The following LRRFIP1 variants were observed in gnomAD, a reference collection of about 807,000 sequenced individuals.
LRRFIP1 encodes the protein leucine-rich repeat flightless-interacting protein 1.
LRRFIP1 carries 62 observed loss-of-function variants against 104.4 expected under a neutral mutation model. The ratio of observed to expected loss-of-function variants is 0.59; its 90% confidence interval spans 0.48 to 0.73. The LOEUF is 0.73. LRRFIP1 is among the 30% of genes least tolerant of loss of function. The pLI is 0.00. For missense variants in LRRFIP1, 796 were observed against 824.5 expected (o/e 0.97, Z 0.42); for synonymous variants, 300 against 299.0 (o/e 1.00, Z -0.03).
intron 2 of LRRFIP1, 29 bp from the exon 3 acceptor site, chr2:237,714,229 AT>A: frequency 6.5e-7 from 1 of 1,542,996 alleles, no homozygotes; most frequent in East Asian, 2.3e-5. Context: ...TGGATTTTAC[AT>A]TTCTTTTTTC....
At chr2:237,662,966 G>A (rs542550247) in intron 1 of LRRFIP1, among the ~76,000 whole-genome samples, 2 of 152,306 alleles carry the variant, frequency 1.3e-5, no homozygotes, top group Non-Finnish European at 2.9e-5. Context: ...TAATCTGCAT[G>A]CAATTACAAG....
intron 1 of LRRFIP1, among the ~76,000 whole-genome samples, chr2:237,672,992 T>A (rs116767695): frequency 2.1e-3 from 320 of 152,344 alleles, no homozygotes; most frequent in African/African-American, 7.3e-3. Flanking sequence ...ATGACCGTGC[T>A]CCGTCGTTTT....
At chr2:237,715,726 A>G (rs1224326511) in intron 3 of LRRFIP1, among the ~76,000 whole-genome samples, 3 of 152,218 alleles carry the variant, frequency 2.0e-5, no homozygotes, top group African/African-American at 7.2e-5. Context: ...GTTTCTCTGG[A>G]ATCAAAGCTA....
At chr2:237,681,087 CAG>C (rs535901937) in intron 1 of LRRFIP1, among the ~76,000 whole-genome samples, 58 of 152,264 alleles carry the variant, frequency 3.8e-4, no homozygotes, top group East Asian at 1.9e-3. Context: ...AAAAACATAA[CAG>C]GGGTAGTTTT....
chr2:237,757,607 T>G, intron 17 of LRRFIP1, 59 bp downstream of exon 17: 1 of 1,326,028 alleles, frequency 7.5e-7, no homozygotes, highest in Non-Finnish European at 1.1e-6. Flanking sequence ...GCAAATAGAG[T>G]TTTTTCAGAG....
chr2:237,700,944 A>G (rs2093487548), intron 1 of LRRFIP1, among the ~76,000 whole-genome samples: 1 of 152,132 alleles, frequency 6.6e-6, no homozygotes, highest in African/African-American at 2.4e-5. Context: ...AACCCCTTCC[A>G]GCTTCTGTGT....
chr2:237,764,118 A>G (rs754206497), intron 19 of LRRFIP1: 1 of 1,614,206 alleles, frequency 6.2e-7, no homozygotes, highest in Non-Finnish European at 8.5e-7. Context: ...GGCAAAAGCA[A>G]AGAAGACTGT....
intron 1 of LRRFIP1, among the ~76,000 whole-genome samples, chr2:237,682,933 C>T (rs1350817954): frequency 6.6e-6 from 1 of 152,214 alleles, no homozygotes; most frequent in Non-Finnish European, 1.5e-5. Flanking sequence ...GTGTGGGCAC[C>T]TCGGATGCAG....
intron 1 of LRRFIP1, among the ~76,000 whole-genome samples, chr2:237,662,172 T>A (rs948778438): frequency 1.3e-5 from 2 of 152,046 alleles, no homozygotes; most frequent in African/African-American, 4.8e-5. Context: ...TGTAGACACA[T>A]CACACCAGGC....
chr2:237,732,593 C>A (rs772605150), intron 8 of LRRFIP1, among the ~76,000 whole-genome samples: 4 of 152,204 alleles, frequency 2.6e-5, no homozygotes, highest in African/African-American at 7.2e-5. Context: ...TTTAGAAAAA[C>A]CATGTCAAAT....
At position 237,764,436 on chromosome 2, in the gene LRRFIP1, G is replaced by A. The variant is rs57142688; in HGVS notation, c.1459+4231G>A. 14,674 of 1,292,774 alleles carry A rather than the reference G, an allele frequency of 0.011. 785 individuals are homozygous for A. In the African/African-American group the frequency reaches 0.14, roughly 12 times the overall value. The allele number at this position is 1,292,774 out of a possible 1,614,324, so 80.1% of individuals were successfully genotyped here. Reference sequence around the variant, plus strand: ...TTATAGTCCACTTAATAAAAATAGAGGCATTTACTATTTGCCTTAGGCTGA... The same window carrying A: ...TTATAGTCCACTTAATAAAAATAGAAGCATTTACTATTTGCCTTAGGCTGA... On this transcript the variant is annotated intron_variant, in intron 19 of 23. Transcript: ENST00000308482.
At chr2:237,752,622 C>T (rs1013681032) in intron 14 of LRRFIP1, among the ~76,000 whole-genome samples, 4 of 152,216 alleles carry the variant, frequency 2.6e-5, no homozygotes, top group African/African-American at 9.6e-5. Context: ...GTTTTGGAAT[C>T]GCCTTCCCCT....
intron 13 of LRRFIP1, among the ~76,000 whole-genome samples, chr2:237,750,891 T>A (rs1200947463): frequency 1.3e-5 from 2 of 152,202 alleles, no homozygotes; most frequent in Non-Finnish European, 2.9e-5. Flanking sequence ...AGTGCTTGAA[T>A]GAATTACTAA....
At chr2:237,713,899 C>T (rs2094214768) in intron 2 of LRRFIP1, among the ~76,000 whole-genome samples, 1 of 152,114 alleles carries the variant, frequency 6.6e-6, no homozygotes, top group East Asian at 1.9e-4. Context: ...AGTTTCTGTA[C>T]TTTTTGATTA....
At chr2:237,761,609 G>A (rs1322525864) in intron 19 of LRRFIP1, among the ~76,000 whole-genome samples, 1 of 152,184 alleles carries the variant, frequency 6.6e-6, no homozygotes, top group Non-Finnish European at 1.5e-5. Flanking sequence ...GATCCAATAT[G>A]TATGTTTATT....
At chr2:237,674,008 A>G (rs1405446140) in intron 1 of LRRFIP1, among the ~76,000 whole-genome samples, 1 of 152,144 alleles carries the variant, frequency 6.6e-6, no homozygotes, top group East Asian at 1.9e-4. Flanking sequence ...TCTCCTTTAC[A>G]CATGAGTCTG....
At chr2:237,713,381 C>A (rs1203584803) in intron 2 of LRRFIP1, among the ~76,000 whole-genome samples, 2 of 152,146 alleles carry the variant, frequency 1.3e-5, no homozygotes, top group Non-Finnish European at 2.9e-5. Context: ...TGTACATATT[C>A]TTGGGAAATT....
intron 16 of LRRFIP1, 132 bp from the exon 17 acceptor site, chr2:237,757,324 G>T: frequency 5.5e-6 from 3 of 543,940 alleles, no homozygotes; most frequent in South Asian, 6.4e-5. Context: ...TGCTGACAAT[G>T]AGTTCAGGGT....
At chr2:237,632,983 A>G (rs1413778559) in intron 1 of LRRFIP1, among the ~76,000 whole-genome samples, 1 of 152,236 alleles carries the variant, frequency 6.6e-6, no homozygotes, top group African/African-American at 2.4e-5. Context: ...GAGGCTGGCC[A>G]GCAGATTGCA....
Sources: gnomAD v4.1 joint callset for allele counts (sites outside exome capture counted in the v4.1 genomes callset) on GRCh38, gnomAD v4.1.1 for gene constraint, MANE v1.5 for transcripts, NCBI Gene and HGNC (gene_info 2026-07-23, HGNC 2026-07-21) for gene names.